NRG3: variants seen among roughly 807,000 people sequenced by gnomAD.
NRG3 encodes the protein pro-neuregulin-3, membrane-bound isoform.
NRG3 carries 31 observed loss-of-function variants against 66.9 expected under a neutral mutation model. The ratio of observed to expected loss-of-function variants is 0.46; its 90% CI spans 0.35 to 0.63. NRG3 has a LOEUF of 0.63. NRG3 is among the 20% of genes least tolerant of loss of function. The probability of loss-of-function intolerance (pLI) is 0.00; values close to 1 mark genes in which losing one functional copy is unlikely to be tolerated. For synonymous variants in NRG3, 393 were observed against 359.4 expected, an observed-to-expected ratio of 1.09 and a Z score of -1.06; for missense variants, 910 against 878.9, an observed-to-expected ratio of 1.04 and a Z score of -0.45.
intron 3 of NRG3, among the ~76,000 whole-genome samples, chr10:82,833,645 C>T (rs2062637701): frequency 6.6e-6 from 1 of 152,188 alleles, no homozygotes; most frequent in South Asian, 2.1e-4. Flanking sequence ...AGGTCCAAGA[C>T]CAAGGTCTCC....
At chr10:82,689,249 A>T (rs2054741147) in intron 2 of NRG3, among the ~76,000 whole-genome samples, 1 of 152,154 alleles carries the variant, frequency 6.6e-6, no homozygotes, top group Non-Finnish European at 1.5e-5. Context: ...ATCTCAAAAG[A>T]TACCTGAGAG....
intron 3 of NRG3, among the ~76,000 whole-genome samples, chr10:82,811,063 C>A (rs1386225675): frequency 1.3e-5 from 2 of 152,166 alleles, no homozygotes; most frequent in Admixed American, 1.3e-4. Context: ...CACTGAAATT[C>A]ACTTTTTCAC....
intron 1 of NRG3, among the ~76,000 whole-genome samples, chr10:81,936,340 T>G (rs1012718576): frequency 6.6e-6 from 1 of 152,132 alleles, no homozygotes; most frequent in African/African-American, 2.4e-5. Flanking sequence ...GGAGTTCTAT[T>G]CCCAACAGTT....
intron 2 of NRG3, among the ~76,000 whole-genome samples, chr10:82,443,663 T>G (rs2090560244): frequency 6.6e-6 from 1 of 152,226 alleles, no homozygotes. Flanking sequence ...CTGTTATATA[T>G]TATTCCAACA....
At chr10:81,966,685 C>T (rs1391283034) in intron 1 of NRG3, among the ~76,000 whole-genome samples, 3 of 152,096 alleles carry the variant, frequency 2.0e-5, no homozygotes, top group Non-Finnish European at 2.9e-5. Flanking sequence ...TCTACCTGTA[C>T]ATCAGTGCAG....
intron 3 of NRG3, among the ~76,000 whole-genome samples, chr10:82,815,516 G>A (rs1194859488): frequency 6.6e-6 from 1 of 151,946 alleles, no homozygotes; most frequent in Non-Finnish European, 1.5e-5. Flanking sequence ...TTTCTCTTGA[G>A]CTCTCTGCTT....
chr10:82,916,316 A>C (rs1156809225), intron 4 of NRG3, among the ~76,000 whole-genome samples: 3 of 152,124 alleles, frequency 2.0e-5, no homozygotes, highest in Admixed American at 6.5e-5. Flanking sequence ...GCTTGGCATG[A>C]TGTCACATGC....
intron 1 of NRG3, among the ~76,000 whole-genome samples, chr10:82,349,953 C>G (rs566819322): frequency 7.9e-4 from 121 of 152,242 alleles, no homozygotes; most frequent in South Asian, 1.4e-3. Context: ...CACTGACCTG[C>G]GCCCACTGTC....
rs574925819 is a variant in NRG3, at chr10:82,650,434, A to C, written c.954-88143A>C. ...ATCTCACTAAGAAGGAAACAAAAACAAAAAAAAACACCTAATGTTGTTTGA... is the reference window on the plus strand; with the variant it reads ...ATCTCACTAAGAAGGAAACAAAAACCAAAAAAAACACCTAATGTTGTTTGA... On this transcript the variant is annotated intron_variant, in intron 2 of 8. Transcript: ENST00000372141. Among the ~76,000 whole-genome samples, 5 of 148,382 alleles carry C rather than the reference A, an allele frequency of 3.4e-5. No homozygotes were observed. The East Asian group carries it at 9.8e-4, about 29-fold the overall frequency.
At chr10:82,186,526 T>C (rs751070790) in intron 1 of NRG3, among the ~76,000 whole-genome samples, 6 of 152,154 alleles carry the variant, frequency 3.9e-5, no homozygotes, top group Non-Finnish European at 7.4e-5. Context: ...TTGCAGGGTA[T>C]GTGGGCACAC....
intron 1 of NRG3, among the ~76,000 whole-genome samples, chr10:82,239,626 A>G (rs959942877): frequency 2.0e-5 from 3 of 152,180 alleles, no homozygotes; most frequent in Non-Finnish European, 2.9e-5. Flanking sequence ...AATATCACAA[A>G]TATCCTTCTT....
At chr10:82,895,475 A>G (rs554033341) in intron 4 of NRG3, among the ~76,000 whole-genome samples, 1 of 147,272 alleles carries the variant, frequency 6.8e-6, no homozygotes, top group Admixed American at 7.1e-5. Flanking sequence ...ACAATCCAGC[A>G]CAATAACATT....
chr10:82,080,377 C>T (rs980086211), intron 1 of NRG3, among the ~76,000 whole-genome samples: 25 of 152,014 alleles, frequency 1.6e-4, no homozygotes, highest in African/African-American at 5.1e-4. Flanking sequence ...GCTGGGGGGA[C>T]GGAAAGGAAT....
chr10:82,382,271 CCTT>C (rs1487244561), intron 2 of NRG3, among the ~76,000 whole-genome samples: 5 of 151,810 alleles, frequency 3.3e-5, no homozygotes, highest in African/African-American at 1.2e-4. Context: ...TTCATTTTAT[CCTT>C]CTCATATGTA....
intron 1 of NRG3, among the ~76,000 whole-genome samples, chr10:82,056,185 C>A (rs903644263): frequency 1.3e-5 from 2 of 151,948 alleles, no homozygotes; most frequent in African/African-American, 4.8e-5. Context: ...TTGGTCAGTA[C>A]AATGGCATGA....
At chr10:82,119,211 A>G (rs1342234726) in intron 1 of NRG3, among the ~76,000 whole-genome samples, 1 of 152,164 alleles carries the variant, frequency 6.6e-6, no homozygotes, top group Non-Finnish European at 1.5e-5. Context: ...GAAATATACA[A>G]TACTGTATTC....
chr10:82,811,965 G>A lies in NRG3; in HGVS notation c.1028-53446G>A, dbSNP rs529846930. 3.9e-5 allele frequency among the ~76,000 whole-genome samples: 6 copies of A among 152,322 alleles called. No individual in the cohort carries two copies. The East Asian group carries it at 1.2e-3, about 29-fold the overall frequency. On this transcript the variant is annotated intron_variant, in intron 3 of 8. Coordinates refer to ENST00000372141, the MANE Select transcript of NRG3 (RefSeq NM_001010848.4). ...CTTTGGTCACACCAGAGCTTGGCAA[G>A]CATGTTGTCTTCAAGCCACACTTTA...
intron 2 of NRG3, among the ~76,000 whole-genome samples, chr10:82,735,673 C>T (rs2058119176): frequency 6.6e-6 from 1 of 152,042 alleles, no homozygotes; most frequent in South Asian, 2.1e-4. Flanking sequence ...AACCAAACAC[C>T]ACATTATCAC....
At chr10:82,355,320 C>G (rs1328570884) in intron 1 of NRG3, among the ~76,000 whole-genome samples, 2 of 152,214 alleles carry the variant, frequency 1.3e-5, no homozygotes, top group Non-Finnish European at 2.9e-5. Flanking sequence ...TTAGAGCACA[C>G]TGTGCCACCT....
Sources: allele counts gnomAD v4.1 joint callset (sites outside exome capture counted in the v4.1 genomes callset), GRCh38; gene constraint gnomAD v4.1.1; transcripts MANE v1.5; gene names NCBI Gene and HGNC (gene_info 2026-07-23, HGNC 2026-07-21).